Variants in SMCHD1 observed in about 807,000 individuals in gnomAD.
The protein encoded by SMCHD1 is structural maintenance of chromosomes flexible hinge domain-containing protein 1.
In SMCHD1, 78 loss-of-function variants were observed where a neutral mutation model predicts 254.7. The observed-to-expected ratio is 0.31, with a 90% CI of 0.26 to 0.37. The LOEUF (loss-of-function observed/expected upper bound fraction) is 0.37, where lower values mean the gene tolerates loss of function less well. SMCHD1 is among the 10% of genes least tolerant of loss of function. The pLI, the probability that SMCHD1 is intolerant of heterozygous loss-of-function variation, is 1.00. For missense variants in SMCHD1, 1,840 were observed against 2,408.1 expected, an observed-to-expected ratio of 0.76 and a Z score of 4.94; for synonymous variants, 766 against 794.9, an observed-to-expected ratio of 0.96 and a Z score of 0.61.
At position 2,703,733 on chromosome 18, in the gene SMCHD1, G is replaced by A. The variant is rs78073508; in HGVS notation, c.1689G>A (p.Leu563=). 1,786 of 1,610,152 alleles carry A rather than the reference G, an allele frequency of 1.1e-3. 18 individuals carry two copies. In the African/African-American group the frequency reaches 0.021, roughly 19 times the overall value. ...MKIDREFALW[L]KDCHEKYDKQ... ...TTGACAGAGAATTTGCTTTGTGGCT[G>A]AAGGACTGTCATGAGAAGTATGATA... The change falls in exon 13 of 48, where the codon CTG becomes CTA. Residue 563 remains leucine, a synonymous_variant. Transcript: ENST00000320876.
intron 45 of SMCHD1, among the ~76,000 whole-genome samples, chr18:2,787,285 A>C (rs62077716): frequency 0.19 from 29,429 of 152,112 alleles, 3,091 homozygotes; most frequent in Admixed American, 0.26. Context: ...TAATCTATTC[A>C]TGAGGGATCT....
intron 44 of SMCHD1, among the ~76,000 whole-genome samples, chr18:2,783,248 T>A (rs893219532): frequency 4.6e-5 from 7 of 152,212 alleles, no homozygotes; most frequent in Admixed American, 4.6e-4. Context: ...TACTATTTTT[T>A]CCTGATTAGA....
intron 45 of SMCHD1, among the ~76,000 whole-genome samples, chr18:2,793,617 A>G (rs933590461): frequency 4.7e-5 from 7 of 147,414 alleles, no homozygotes; most frequent in Admixed American, 3.5e-4. Flanking sequence ...GTGAGCCAAG[A>G]TCGCGCCACT....
At chr18:2,747,316 G>A (rs1250047866) in intron 29 of SMCHD1, among the ~76,000 whole-genome samples, 1 of 152,106 alleles carries the variant, frequency 6.6e-6, no homozygotes, top group Non-Finnish European at 1.5e-5. Context: ...GTCAGGTGTT[G>A]CTTTTTCTTT....
Position 2,724,974 on chromosome 18 carries a change from T to C in SMCHD1, c.2679T>C (p.Pro893=). The change falls in exon 21 of 48, where the codon CCT becomes CCC. Residue 893 remains proline, a synonymous_variant. Coordinates refer to ENST00000320876, the MANE Select transcript of SMCHD1 (RefSeq NM_015295.3). ...TTCGAGGTGTTACAGCCAAGGGCCC[T>C]GTAAACTCTTGTCAAGGCAAGGTAA... is the stretch of plus-strand genomic sequence containing the variant. ...CVIRGVTAKG[P]VNSCQGKNYN... is the part of the protein sequence containing the mutation. 1 of 1,582,000 alleles carries C rather than the reference T, an allele frequency of 6.3e-7. No individual in the cohort carries two copies. The highest frequency in any genetic ancestry group is 8.6e-7 in the Non-Finnish European group (1 of 1,159,888).
In SMCHD1 at chr18:2,791,037, T is replaced by G. The variant is rs2076310951; in HGVS notation, c.5720-4912T>G. Among the ~76,000 whole-genome samples the G allele has an allele frequency of 2.6e-5, 4 of 151,936 alleles. No homozygotes were observed. In the South Asian group the frequency reaches 8.3e-4, roughly 32 times the overall value. The stretch of plus-strand genomic sequence containing the variant: ...AATCAAAGATGAAAATTAAAAGAAT[T>G]TATTAAGGGAGAAAGTTATAAAATT... On this transcript the variant is annotated intron_variant, in intron 45 of 47. Transcript: ENST00000320876.
At chr18:2,659,362 C>T (rs2073176009) in intron 1 of SMCHD1, among the ~76,000 whole-genome samples, 1 of 152,206 alleles carries the variant, frequency 6.6e-6, no homozygotes, top group Non-Finnish European at 1.5e-5. Context: ...AGGTGGTCCA[C>T]CTGCCTTGGC....
chr18:2,760,753 T>G lies in SMCHD1; in HGVS notation c.4434+14T>G, dbSNP rs1422686702. Reference sequence around the variant, plus strand: ...AACAGTGAACAGGTTTGCTTACTTTTTTTATATACCACAGTTAGCTTTACA... The same window carrying G: ...AACAGTGAACAGGTTTGCTTACTTTGTTTATATACCACAGTTAGCTTTACA... On this transcript the variant is annotated intron_variant, in intron 35 of 47. Transcript: ENST00000320876. The G allele has an allele frequency of 1.3e-6, 2 of 1,481,712 alleles. No homozygotes were observed. The highest frequency in any genetic ancestry group is 2.3e-5 in the East Asian group (1 of 43,948). 91.8% of individuals were successfully genotyped at this position (1,481,712 alleles called of 1,614,324 possible).
Position 2,694,831 on chromosome 18 carries a change from C to G in SMCHD1, c.1040+138C>G, listed in dbSNP as rs972948653. 3.3e-5 allele frequency: 22 copies of G among 672,642 alleles called. 1 individual carries two copies. In the East Asian group the frequency reaches 6.0e-4, roughly 18 times the overall value. 41.7% of individuals were successfully genotyped at this position (672,642 alleles called of 1,614,324 possible). On this transcript the variant is annotated intron_variant, in intron 8 of 47. Transcript: ENST00000320876. ...CTTCCCTTTAGTATTATCCAGTACTCTGATATTGGTGTTAAAACAGCTCTC... is the reference window on the plus strand; with the variant it reads ...CTTCCCTTTAGTATTATCCAGTACTGTGATATTGGTGTTAAAACAGCTCTC...
chr18:2,667,726 C>A (rs1228813007), intron 3 of SMCHD1, among the ~76,000 whole-genome samples: 1 of 152,024 alleles, frequency 6.6e-6, no homozygotes, highest in Non-Finnish European at 1.5e-5. Context: ...TCATTTCAGA[C>A]CTTTTCATAT....
In SMCHD1 at chr18:2,655,811, A is replaced by G. The variant is rs1242201647; in HGVS notation, c.-265A>G. The G allele has an allele frequency of 5.6e-5, 17 of 305,256 alleles. No individual in the cohort carries two copies. The Admixed American group carries it at 8.2e-4, about 15-fold the overall frequency. 18.9% of individuals were successfully genotyped at this position (305,256 alleles called of 1,614,324 possible). A position where few individuals can be genotyped will look rare whatever the true frequency, so the allele number is the denominator to read the frequency against. On this transcript the variant is annotated 5_prime_UTR_variant, in exon 1 of 48. Transcript: ENST00000320876. ...GGCGCTGGGCCCGGGCCCGGTGAGG[A>G]GCGCGCCGCGCGTCCCCTTCTCCTC...
chr18:2,775,672 C>A, intron 41 of SMCHD1, 62 bp from the exon 42 acceptor site: 1,178 of 1,308,406 alleles, frequency 9.0e-4, no homozygotes, highest in East Asian at 2.7e-3. Context: ...GGGCTTTTAA[C>A]ATAATATCAA....
chr18:2,778,221 C>CA lies in SMCHD1; in HGVS notation c.5531dup (p.Asn1844LysfsTer4), dbSNP rs778923058. On this transcript the variant is annotated frameshift_variant, in exon 44 of 48. Transcript: ENST00000320876. LOFTEE classifies it high-confidence loss of function. Reference sequence around the variant, plus strand: ...TTATTTTGGATAATCTGGATGCGGCCAATCATTATAGAAAAGAGGTATGTA... The same window carrying CA: ...TTATTTTGGATAATCTGGATGCGGCCAAATCATTATAGAAAAGAGGTATGTA... 6.2e-7 allele frequency: 1 copy of CA among 1,608,116 alleles called. No individual in the cohort carries two copies. The highest frequency in any genetic ancestry group is 1.1e-5 in the South Asian group (1 of 90,448).
intron 5 of SMCHD1, among the ~76,000 whole-genome samples, chr18:2,687,317 T>G (rs1370610039): frequency 6.6e-6 from 1 of 152,212 alleles, no homozygotes. Flanking sequence ...GAACAAGTCT[T>G]CTGGTGGTAA....
At chr18:2,717,437 A>G (rs2074826758) in intron 17 of SMCHD1, among the ~76,000 whole-genome samples, 1 of 152,132 alleles carries the variant, frequency 6.6e-6, no homozygotes, top group African/African-American at 2.4e-5. Flanking sequence ...CCTGGGCTCA[A>G]GTAGTCCTCC....
intron 24 of SMCHD1, 66 bp from the exon 25 acceptor site, chr18:2,732,199 A>G: frequency 1.6e-6 from 2 of 1,220,468 alleles, no homozygotes; most frequent in Non-Finnish European, 2.3e-6. Context: ...TTGAAAGTAA[A>G]TTCTTCAGGA....
At chr18:2,756,221 A>G (rs2075675377) in intron 34 of SMCHD1, among the ~76,000 whole-genome samples, 3 of 152,160 alleles carry the variant, frequency 2.0e-5, no homozygotes, top group Admixed American at 1.3e-4. Context: ...AATAAACCCA[A>G]TTTTATCATG....
intron 5 of SMCHD1, 103 bp downstream of exon 5, chr18:2,674,248 C>G: frequency 3.4e-6 from 3 of 870,112 alleles, no homozygotes; most frequent in Non-Finnish European, 3.3e-6. Context: ...GGAGGTTTTA[C>G]TGTTATTCAC....
chr18:2,754,020 C>G (rs961158556), intron 34 of SMCHD1, among the ~76,000 whole-genome samples: 7 of 152,028 alleles, frequency 4.6e-5, no homozygotes, highest in African/African-American at 1.7e-4. Flanking sequence ...ATCTTAATAA[C>G]TTTTGTATTA....
Sources: allele counts gnomAD v4.1 joint callset (sites outside exome capture counted in the v4.1 genomes callset), GRCh38; gene constraint gnomAD v4.1.1; transcripts MANE v1.5; gene names NCBI Gene and HGNC (gene_info 2026-07-23, HGNC 2026-07-21).